Variants in ARSB observed in about 807,000 individuals in gnomAD.
The protein encoded by ARSB is N-acetylgalactosamine-4-sulfatase.
In ARSB, 41 loss-of-function variants were observed where a neutral mutation model predicts 50.9. That is an observed-to-expected ratio of 0.81 (90% CI 0.63 to 1.04). The LOEUF is 1.04. Among genes scored for constraint, ARSB ranks in the 50% least tolerant of loss-of-function variants. The pLI is 0.00. For missense variants in ARSB, 672 were observed against 693.3 expected (o/e 0.97, Z 0.35); for synonymous variants, 269 against 284.8 (o/e 0.94, Z 0.56).
intron 4 of ARSB, among the ~76,000 whole-genome samples, chr5:78,896,224 C>T (rs1748551924): frequency 1.3e-5 from 2 of 152,130 alleles, no homozygotes; most frequent in Non-Finnish European, 2.9e-5. Context: ...AGAGTCTCCG[C>T]AGGCAAGGAG....
chr5:78,826,465 C>G (rs1010494308), intron 6 of ARSB, among the ~76,000 whole-genome samples: 6 of 152,078 alleles, frequency 3.9e-5, no homozygotes, highest in Non-Finnish European at 7.4e-5. Flanking sequence ...CCTCGTGGAA[C>G]TTGTATTTTA....
chr5:78,978,632 A>G (rs1752768922), intron 1 of ARSB, among the ~76,000 whole-genome samples: 1 of 152,248 alleles, frequency 6.6e-6, no homozygotes, highest in Non-Finnish European at 1.5e-5. Flanking sequence ...TACAGCAATC[A>G]AGACAGTGAG....
At chr5:78,947,867 G>A (rs1043771168) in intron 4 of ARSB, among the ~76,000 whole-genome samples, 3 of 152,166 alleles carry the variant, frequency 2.0e-5, no homozygotes, top group Admixed American at 2.0e-4. Context: ...CAATAGCCAA[G>A]ATTTGAAAAC....
chr5:78,943,542 A>C (rs1309533543), intron 4 of ARSB, among the ~76,000 whole-genome samples: 1 of 152,188 alleles, frequency 6.6e-6, no homozygotes. Context: ...TATGAAGCTT[A>C]GTTTGGCTGG....
At chr5:78,822,274 T>C (rs931814195) in intron 6 of ARSB, among the ~76,000 whole-genome samples, 4 of 152,206 alleles carry the variant, frequency 2.6e-5, no homozygotes, top group Non-Finnish European at 5.9e-5. Flanking sequence ...ATTAATCAAA[T>C]ACAGATTTTG....
intron 4 of ARSB, among the ~76,000 whole-genome samples, chr5:78,951,664 G>C (rs1163408866): frequency 6.6e-6 from 1 of 152,150 alleles, no homozygotes; most frequent in Non-Finnish European, 1.5e-5. Flanking sequence ...TCAGCATGCA[G>C]TTTCAGGGCT....
chr5:78,897,745 CATA>C (rs1309664908), intron 4 of ARSB, among the ~76,000 whole-genome samples: 17 of 151,766 alleles, frequency 1.1e-4, no homozygotes, highest in African/African-American at 2.2e-4. Flanking sequence ...TGTGGACTCT[CATA>C]ATAATTATTT....
chr5:78,942,805 G>A (rs942760921), intron 4 of ARSB, among the ~76,000 whole-genome samples: 7 of 152,128 alleles, frequency 4.6e-5, no homozygotes, highest in South Asian at 2.1e-4. Flanking sequence ...TCCGCTTGGT[G>A]CAGAGCTGAG....
At chr5:78,984,495 C>A (rs1324819443) in intron 1 of ARSB, among the ~76,000 whole-genome samples, 1 of 152,194 alleles carries the variant, frequency 6.6e-6, no homozygotes, top group African/African-American at 2.4e-5. Flanking sequence ...AACCTATCAC[C>A]GCTGGGTTCC....
At chr5:78,872,225 A>C (rs1318196768) in intron 5 of ARSB, among the ~76,000 whole-genome samples, 1 of 151,272 alleles carries the variant, frequency 6.6e-6, no homozygotes. Context: ...GTGGGACTGT[A>C]AACTAGTTCA....
intron 4 of ARSB, among the ~76,000 whole-genome samples, chr5:78,934,381 A>G (rs1750488705): frequency 6.6e-6 from 1 of 152,204 alleles, no homozygotes; most frequent in Non-Finnish European, 1.5e-5. Context: ...TTTTAATCAA[A>G]GTATAGCTGT....
At chr5:78,896,555 C>G (rs1459908109) in intron 4 of ARSB, among the ~76,000 whole-genome samples, 1 of 152,210 alleles carries the variant, frequency 6.6e-6, no homozygotes, top group African/African-American at 2.4e-5. Flanking sequence ...TGTGTGAGCA[C>G]TATGGCTGGA....
intron 4 of ARSB, among the ~76,000 whole-genome samples, chr5:78,895,111 T>C (rs1347889164): frequency 6.6e-6 from 1 of 152,166 alleles, no homozygotes; most frequent in South Asian, 2.1e-4. Flanking sequence ...ACGAAGTCCA[T>C]GCAATTAGAG....
intron 6 of ARSB, among the ~76,000 whole-genome samples, chr5:78,796,413 A>T (rs1397381109): frequency 6.6e-6 from 1 of 152,260 alleles, no homozygotes; most frequent in Non-Finnish European, 1.5e-5. Flanking sequence ...TCCAAAAGAC[A>T]TACCAATTCC....
chr5:78,974,098 C>T (rs925463337), intron 1 of ARSB, among the ~76,000 whole-genome samples: 12 of 152,212 alleles, frequency 7.9e-5, no homozygotes, highest in South Asian at 2.1e-4. Context: ...ACACTTGTGC[C>T]ACCTTAGGGT....
At chr5:78,925,129 T>G (rs1749988553) in intron 4 of ARSB, among the ~76,000 whole-genome samples, 1 of 152,190 alleles carries the variant, frequency 6.6e-6, no homozygotes, top group Admixed American at 6.5e-5. Context: ...TTCTTCCTCA[T>G]TTACAGTTCT....
chr5:78,963,378 C>T (rs1311492852), intron 3 of ARSB, among the ~76,000 whole-genome samples: 1 of 152,220 alleles, frequency 6.6e-6, no homozygotes, highest in Non-Finnish European at 1.5e-5. Flanking sequence ...GCAACACAAA[C>T]AGACTAAGAC....
chr5:78,780,779 A>G, intron 7 of ARSB, 117 bp from the exon 8 acceptor site: 1 of 1,251,062 alleles, frequency 8.0e-7, no homozygotes, highest in Non-Finnish European at 1.1e-6. Flanking sequence ...ACATAAAAAG[A>G]TGCGGCCCTA....
intron 5 of ARSB, among the ~76,000 whole-genome samples, chr5:78,840,561 T>C (rs1286824862): frequency 6.6e-6 from 1 of 152,190 alleles, no homozygotes; most frequent in African/African-American, 2.4e-5. Flanking sequence ...AAACTTCAAC[T>C]ACCATCACCA....
Sources: allele counts gnomAD v4.1 joint callset (sites outside exome capture counted in the v4.1 genomes callset), GRCh38; gene constraint gnomAD v4.1.1; transcripts MANE v1.5; gene names NCBI Gene and HGNC (gene_info 2026-07-23, HGNC 2026-07-21).